The following CDH13 variants were observed in gnomAD, a reference collection of about 807,000 sequenced individuals.
CDH13 encodes cadherin-13.
CDH13 carries 24 observed loss-of-function variants against 63.8 expected under a neutral mutation model. The observed-to-expected ratio is 0.38, with a 90% CI of 0.27 to 0.53. The LOEUF is 0.53. Among genes scored for constraint, CDH13 ranks in the 20% least tolerant of loss-of-function variants. CDH13 has a pLI of 0.85. For missense variants in CDH13, 1,049 were observed against 903.1 expected, an observed-to-expected ratio of 1.16 and a Z score of -2.07; for synonymous variants, 503 against 355.3, an observed-to-expected ratio of 1.42 and a Z score of -4.67.
At chr16:83,396,941 G>T (rs1469654372) in intron 6 of CDH13, among the ~76,000 whole-genome samples, 1 of 152,192 alleles carries the variant, frequency 6.6e-6, no homozygotes, top group African/African-American at 2.4e-5. Flanking sequence ...TGAGGAAGCT[G>T]AGGCTCTATG....
chr16:83,612,699 G>T (rs1253304413), intron 8 of CDH13, among the ~76,000 whole-genome samples: 1 of 151,720 alleles, frequency 6.6e-6, no homozygotes, highest in Non-Finnish European at 1.5e-5. Flanking sequence ...CTTGTAGTGG[G>T]TTCTGAGAAA....
intron 10 of CDH13, among the ~76,000 whole-genome samples, chr16:83,733,984 T>G (rs1207102527): frequency 6.6e-6 from 1 of 152,196 alleles, no homozygotes; most frequent in Non-Finnish European, 1.5e-5. Flanking sequence ...CAGACTATTT[T>G]ATTCTGCTTT....
chr16:83,578,369 G>A (rs934400328), intron 7 of CDH13, among the ~76,000 whole-genome samples: 15 of 152,164 alleles, frequency 9.9e-5, no homozygotes, highest in Non-Finnish European at 2.1e-4. Flanking sequence ...TGGCAGATCT[G>A]TAGCTCTGTT....
intron 7 of CDH13, among the ~76,000 whole-genome samples, chr16:83,558,864 G>A (rs561067024): frequency 5.9e-5 from 9 of 152,162 alleles, no homozygotes; most frequent in Admixed American, 3.3e-4. Context: ...GTGGTCATGC[G>A]TAGTGTGCGG....
intron 1 of CDH13, among the ~76,000 whole-genome samples, chr16:82,660,935 C>CA (rs58394697): frequency 0.1 from 14,548 of 143,634 alleles, 847 homozygotes; most frequent in Non-Finnish European, 0.14. Flanking sequence ...TTTCTTTTAT[C>CA]AAAAAAAAAA....
intron 1 of CDH13, among the ~76,000 whole-genome samples, chr16:82,738,408 C>G (rs1456706053): frequency 6.6e-6 from 1 of 152,174 alleles, no homozygotes; most frequent in Non-Finnish European, 1.5e-5. Context: ...AAGCCTCTTG[C>G]CGGAGTCCTC....
intron 7 of CDH13, among the ~76,000 whole-genome samples, chr16:83,536,445 A>T (rs2075190489): frequency 6.6e-6 from 1 of 152,084 alleles, no homozygotes; most frequent in Admixed American, 6.5e-5. Flanking sequence ...GGGTAGAAAG[A>T]ACATCACAGG....
At chr16:83,577,335 G>T (rs529591643) in intron 7 of CDH13, among the ~76,000 whole-genome samples, 38 of 152,194 alleles carry the variant, frequency 2.5e-4, no homozygotes, top group Non-Finnish European at 4.1e-4. Flanking sequence ...TTCCCAGCAC[G>T]TCCTTTTCAG....
chr16:83,264,209 C>T (rs962262648), intron 5 of CDH13, among the ~76,000 whole-genome samples: 3 of 152,098 alleles, frequency 2.0e-5, no homozygotes, highest in Non-Finnish European at 2.9e-5. Flanking sequence ...CAGTATGATG[C>T]TCTCCTGATA....
chr16:83,044,947 T>C (rs1199480291), intron 3 of CDH13, among the ~76,000 whole-genome samples: 1 of 152,216 alleles, frequency 6.6e-6, no homozygotes, highest in Non-Finnish European at 1.5e-5. Flanking sequence ...TTCTAGGCTC[T>C]CTGATATGCT....
chr16:83,533,584 G>A (rs187430249), intron 7 of CDH13, among the ~76,000 whole-genome samples: 17 of 151,880 alleles, frequency 1.1e-4, no homozygotes, highest in South Asian at 6.3e-4. Context: ...CTTAGTTGTG[G>A]AAGTTGTGAG....
intron 2 of CDH13, among the ~76,000 whole-genome samples, chr16:82,967,193 C>G (rs75486412): frequency 0.023 from 3,443 of 152,188 alleles, 93 homozygotes; most frequent in African/African-American, 0.072. Context: ...ATGTCAACAC[C>G]TAAATAATCT....
intron 11 of CDH13, among the ~76,000 whole-genome samples, chr16:83,767,959 A>G (rs1472727037): frequency 1.3e-5 from 2 of 152,216 alleles, no homozygotes; most frequent in Non-Finnish European, 2.9e-5. Flanking sequence ...ACTAAAAATT[A>G]ATAGTCGCAA....
Position 83,688,991 on chromosome 16 carries a change from A to G in CDH13, c.1538+10530A>G, listed in dbSNP as rs148446848. 4.4e-3 allele frequency among the ~76,000 whole-genome samples: 673 copies of G among 152,328 alleles called. 5 individuals carry two copies. The highest frequency in any genetic ancestry group is 0.015 in the African/African-American group (634 of 41,578). ...AAGATTTTCATTATTCATGTCAATT[A>G]AAGGTGCTCAGTTTGGCTAATATGA... On this transcript the variant is annotated intron_variant, in intron 10 of 13. Coordinates refer to ENST00000567109, the MANE Select transcript of CDH13 (RefSeq NM_001257.5).
chr16:83,352,464 C>T (rs1214863784), intron 6 of CDH13, among the ~76,000 whole-genome samples: 4 of 152,126 alleles, frequency 2.6e-5, no homozygotes, highest in African/African-American at 9.7e-5. Context: ...CCTGCTACTA[C>T]TGGGCGTCTA....
intron 11 of CDH13, among the ~76,000 whole-genome samples, chr16:83,775,511 C>G (rs773283733): frequency 6.6e-6 from 1 of 152,114 alleles, no homozygotes; most frequent in Non-Finnish European, 1.5e-5. Context: ...CTTAAAATGG[C>G]TACCATGAGA....
chr16:83,593,399 G>T (rs1368111982), intron 7 of CDH13, among the ~76,000 whole-genome samples: 1 of 152,222 alleles, frequency 6.6e-6, no homozygotes, highest in Admixed American at 6.5e-5. Flanking sequence ...ATAGCCAACT[G>T]GTGTCTCTGT....
intron 5 of CDH13, among the ~76,000 whole-genome samples, chr16:83,290,831 G>A (rs1023738857): frequency 2.0e-5 from 3 of 152,018 alleles, no homozygotes; most frequent in South Asian, 4.1e-4. Flanking sequence ...ACTCAGGGCC[G>A]CCTTTCACCT....
At chr16:82,989,012 A>T (rs1911321479) in intron 2 of CDH13, among the ~76,000 whole-genome samples, 1 of 152,198 alleles carries the variant, frequency 6.6e-6, no homozygotes, top group Non-Finnish European at 1.5e-5. Flanking sequence ...TAAATAAATT[A>T]ACTTATTAAA....
Sources: gnomAD v4.1 joint callset for allele counts (sites outside exome capture counted in the v4.1 genomes callset) on GRCh38, gnomAD v4.1.1 for gene constraint, MANE v1.5 for transcripts, NCBI Gene and HGNC (gene_info 2026-07-23, HGNC 2026-07-21) for gene names.